The following NUDCD1 variants were observed in gnomAD, a reference collection of about 807,000 sequenced individuals.
The protein encoded by NUDCD1 is NudC domain containing 1.
NUDCD1 carries 60 observed loss-of-function variants against 67.8 expected under a neutral mutation model. The observed-to-expected ratio is 0.88, with a 90% confidence interval of 0.72 to 1.10. The LOEUF (loss-of-function observed/expected upper bound fraction) is 1.10, where lower values mean the gene tolerates loss of function less well. Among genes scored for constraint, NUDCD1 ranks in the 50% least tolerant of loss-of-function variants. The pLI, the probability that NUDCD1 is intolerant of heterozygous loss-of-function variation, is 0.00. For missense variants in NUDCD1, 643 were observed against 695.0 expected, an observed-to-expected ratio of 0.93 and a Z score of 0.84; for synonymous variants, 244 against 230.8, an observed-to-expected ratio of 1.06 and a Z score of -0.52.
chr8:109,255,778 TA>T (rs1253458036), intron 8 of NUDCD1, among the ~76,000 whole-genome samples: 3 of 150,358 alleles, frequency 2.0e-5, no homozygotes, highest in African/African-American at 7.3e-5. Context: ...ATAAAGAGAA[TA>T]AGAGGAATAA....
intron 1 of NUDCD1, among the ~76,000 whole-genome samples, chr8:109,330,203 G>A (rs1042017819): frequency 1.1e-4 from 16 of 152,106 alleles, no homozygotes; most frequent in Non-Finnish European, 1.5e-4. Flanking sequence ...TTTTTGTTTC[G>A]TTCTTTGGAA....
chr8:109,247,057 C>G (rs1369433910), intron 8 of NUDCD1, among the ~76,000 whole-genome samples: 1 of 152,198 alleles, frequency 6.6e-6, no homozygotes, highest in Non-Finnish European at 1.5e-5. Context: ...AAGGCCAGCA[C>G]ACAGAGACCA....
chr8:109,316,762 C>T (rs1236334974), intron 2 of NUDCD1, among the ~76,000 whole-genome samples: 1 of 152,146 alleles, frequency 6.6e-6, no homozygotes, highest in African/African-American at 2.4e-5. Flanking sequence ...CAAGCAAAAC[C>T]ACCTGAGGTG....
chr8:109,291,927 T>C (rs889270980), intron 4 of NUDCD1, among the ~76,000 whole-genome samples: 4 of 152,120 alleles, frequency 2.6e-5, no homozygotes, highest in Admixed American at 6.6e-5. Context: ...CTGTAAGATT[T>C]TGAATTACGT....
Position 109,245,401 on chromosome 8 carries a change from A to G in NUDCD1, c.1380T>C (p.Asp460=). Residue 460 remains aspartate (D), a synonymous_variant, in exon 9 of 10, where the codon GAT becomes GAC. Transcript: ENST00000239690. ...GTGGTTGCCAGAGTAGGGCATCAACATCATGGCGCAAACAGAAGCAGGGCA... is the reference window on the plus strand; with the variant it reads ...GTGGTTGCCAGAGTAGGGCATCAACGTCATGGCGCAAACAGAAGCAGGGCA... ...KEMPCFCLRH[D]VDALLWQPHS... 6.2e-7 allele frequency: 1 copy of G among 1,613,936 alleles called. No homozygotes were observed. The highest frequency in any genetic ancestry group is 1.1e-5 in the South Asian group (1 of 91,058).
intron 3 of NUDCD1, among the ~76,000 whole-genome samples, chr8:109,294,311 A>C (rs1448073809): frequency 6.6e-6 from 1 of 152,140 alleles, no homozygotes; most frequent in Non-Finnish European, 1.5e-5. Context: ...TTACAAAGAA[A>C]AATGTGCTTT....
intron 4 of NUDCD1, among the ~76,000 whole-genome samples, chr8:109,290,954 G>C (rs564185434): frequency 1.3e-5 from 2 of 152,038 alleles, no homozygotes; most frequent in African/African-American, 4.8e-5. Flanking sequence ...GTAATTTAAT[G>C]AATGAACAAA....
At chr8:109,325,961 A>T (rs533649479) in intron 1 of NUDCD1, among the ~76,000 whole-genome samples, 1 of 152,358 alleles carries the variant, frequency 6.6e-6, no homozygotes, top group South Asian at 2.1e-4. Context: ...GAGGTTGAGG[A>T]AACATATAAC....
At chr8:109,252,282 A>C (rs1297089600) in intron 8 of NUDCD1, among the ~76,000 whole-genome samples, 1 of 152,126 alleles carries the variant, frequency 6.6e-6, no homozygotes, top group African/African-American at 2.4e-5. Flanking sequence ...GCCCTCCTCC[A>C]GTGGTAGGAG....
At position 109,282,974 on chromosome 8, in the gene NUDCD1, C is replaced by T. The variant is rs545697237; in HGVS notation, c.824-1802G>A. ...AAAATAGACACTCAGAAAAAAGACA[C>T]AAAGAATTCAAAGCATGGATTGCAA... On this transcript the variant is annotated intron_variant, in intron 5 of 9. Transcript: ENST00000239690. 6.8e-4 allele frequency among the ~76,000 whole-genome samples: 103 copies of T among 151,924 alleles called. 1 individual carries two copies. The highest frequency in any genetic ancestry group is 3.4e-3 in the Middle Eastern group (1 of 294).
rs117011558 is a variant in NUDCD1, at chr8:109,306,850, A to G, written c.274-10281T>C. 4.2e-4 allele frequency among the ~76,000 whole-genome samples: 64 copies of G among 152,062 alleles called. No homozygotes were observed. The East Asian group carries it at 9.5e-3, about 23-fold the overall frequency. ...CCCCACAATATCACCCCTTACCCCA[A>G]CAAAATCTTTCCTCAGTTTAATCTC... On this transcript the variant is annotated intron_variant, in intron 2 of 9. Coordinates refer to ENST00000239690, the MANE Select transcript of NUDCD1 (RefSeq NM_032869.4).
chr8:109,242,260 C>G lies in NUDCD1; in HGVS notation c.*749G>C, dbSNP rs1813384531. 2.5e-6 allele frequency: 1 copy of G among 396,092 alleles called. No homozygotes were observed. The highest frequency in any genetic ancestry group is 4.5e-6 in the Non-Finnish European group (1 of 224,478). 24.5% of individuals were successfully genotyped at this position (396,092 alleles called of 1,614,324 possible). A position where few individuals can be genotyped will look rare whatever the true frequency, so the allele number is the denominator to read the frequency against. On this transcript the variant is annotated 3_prime_UTR_variant, in exon 10 of 10. Coordinates refer to ENST00000239690, the MANE Select transcript of NUDCD1 (RefSeq NM_032869.4). Reference sequence around the variant, plus strand: ...GGAGCTTGCTCTCTTAAGATGTTTTCTCTACTATGGAAAGAAGATTCGTCT... The same window carrying G: ...GGAGCTTGCTCTCTTAAGATGTTTTGTCTACTATGGAAAGAAGATTCGTCT...
chr8:109,296,608 T>A (rs776025482), intron 2 of NUDCD1, 39 bp from the exon 3 acceptor site: 17 of 1,325,866 alleles, frequency 1.3e-5, no homozygotes, highest in Non-Finnish European at 1.6e-5. Flanking sequence ...CTCTTCCTCT[T>A]CACTGATCCA....
intron 2 of NUDCD1, among the ~76,000 whole-genome samples, chr8:109,308,067 A>C (rs1815153970): frequency 6.6e-6 from 1 of 152,238 alleles, no homozygotes. Context: ...ACAGGTCATC[A>C]AGACAGAAGG....
intron 1 of NUDCD1, among the ~76,000 whole-genome samples, chr8:109,327,225 G>T (rs1449292909): frequency 1.3e-5 from 2 of 152,138 alleles, no homozygotes; most frequent in Non-Finnish European, 2.9e-5. Flanking sequence ...AACACGGGAG[G>T]ACCAGAGTTA....
Position 109,242,326 on chromosome 8 carries a change from C to T in NUDCD1, c.*683G>A. 2 of 393,018 alleles carry T rather than the reference C, an allele frequency of 5.1e-6. No individual in the cohort carries two copies. Among genetic ancestry groups the T allele is most frequent in the Non-Finnish European group, 9.0e-6 (2 of 222,774 alleles). The allele number at this position is 393,018 out of a possible 1,614,324, so 24.3% of individuals were successfully genotyped here. On this transcript the variant is annotated 3_prime_UTR_variant, in exon 10 of 10. Transcript: ENST00000239690. Reference sequence around the variant, plus strand: ...GAGAGGCCCTGTACAGCAGAGACAGCCAACTCACTGAATCGTGAAAAATAA... The same window carrying T: ...GAGAGGCCCTGTACAGCAGAGACAGTCAACTCACTGAATCGTGAAAAATAA...
At chr8:109,250,677 C>T (rs967440685) in intron 8 of NUDCD1, among the ~76,000 whole-genome samples, 3 of 152,030 alleles carry the variant, frequency 2.0e-5, no homozygotes, top group Non-Finnish European at 1.5e-5. Context: ...TTATCATCAA[C>T]GAATGGTATT....
At chr8:109,251,271 T>G (rs1311560095) in intron 8 of NUDCD1, among the ~76,000 whole-genome samples, 1 of 150,504 alleles carries the variant, frequency 6.6e-6, no homozygotes, top group Non-Finnish European at 1.5e-5. Flanking sequence ...CCTCCCAGGA[T>G]CAAGCAATTC....
chr8:109,313,833 T>C (rs1430284178), intron 2 of NUDCD1: 2 of 1,116,376 alleles, frequency 1.8e-6, no homozygotes, highest in Middle Eastern at 2.2e-4. Flanking sequence ...GAAGTCTAAT[T>C]ATCAATCAGA....
Sources: allele counts gnomAD v4.1 joint callset (sites outside exome capture counted in the v4.1 genomes callset), GRCh38; gene constraint gnomAD v4.1.1; transcripts MANE v1.5; gene names NCBI Gene and HGNC (gene_info 2026-07-23, HGNC 2026-07-21).